NCKAP5: variants seen among roughly 807,000 people sequenced by gnomAD.
NCKAP5 encodes NCK associated protein 5.
Under a neutral mutation model 167.0 loss-of-function variants are expected in NCKAP5, and 92 were observed. The observed-to-expected ratio is 0.55, with a 90% CI of 0.47 to 0.66. The LOEUF is 0.66. Among genes scored for constraint, NCKAP5 ranks in the 30% least tolerant of loss-of-function variants. NCKAP5 has a pLI of 0.00. For synonymous variants in NCKAP5, 891 were observed against 877.4 expected (o/e 1.02, Z -0.27); for missense variants, 2,378 against 2,315.0 (o/e 1.03, Z -0.56).
chr2:133,172,663 T>G (rs1318973876), intron 5 of NCKAP5, among the ~76,000 whole-genome samples: 1 of 151,986 alleles, frequency 6.6e-6, no homozygotes, highest in Non-Finnish European at 1.5e-5. Flanking sequence ...TGTTGTTGTT[T>G]TTGAGATGGA....
chr2:132,942,642 C>T (rs921266189), intron 8 of NCKAP5, among the ~76,000 whole-genome samples: 2 of 152,084 alleles, frequency 1.3e-5, no homozygotes, highest in South Asian at 2.1e-4. Context: ...TGGGAAACAA[C>T]AGAGTTAAAG....
chr2:132,921,028 T>A (rs911308850), intron 8 of NCKAP5, among the ~76,000 whole-genome samples: 1 of 151,392 alleles, frequency 6.6e-6, no homozygotes, highest in Non-Finnish European at 1.5e-5. Flanking sequence ...AATCCAAGAA[T>A]CAAAGTCCAT....
At chr2:133,209,526 T>C (rs1254621543) in intron 5 of NCKAP5, among the ~76,000 whole-genome samples, 2 of 151,678 alleles carry the variant, frequency 1.3e-5, no homozygotes, top group African/African-American at 4.8e-5. Flanking sequence ...CTGGTGGGGA[T>C]GGACTTTGGA....
chr2:133,494,428 C>G (rs1681749218), intron 3 of NCKAP5, among the ~76,000 whole-genome samples: 1 of 152,152 alleles, frequency 6.6e-6, no homozygotes, highest in African/African-American at 2.4e-5. Flanking sequence ...CCTAAACAAA[C>G]AGAAGTACTT....
chr2:132,829,089 C>T (rs762374239), intron 11 of NCKAP5, among the ~76,000 whole-genome samples: 16 of 152,090 alleles, frequency 1.1e-4, no homozygotes, highest in Admixed American at 3.3e-4. Flanking sequence ...ATAAAAACAA[C>T]GACAATGTCA....
intron 3 of NCKAP5, among the ~76,000 whole-genome samples, chr2:133,338,210 T>C (rs1683342046): frequency 6.6e-6 from 1 of 152,238 alleles, no homozygotes; most frequent in African/African-American, 2.4e-5. Flanking sequence ...TGGTTTTTAA[T>C]GCTGTGAAGC....
At chr2:133,437,761 A>G (rs1348606041) in intron 3 of NCKAP5, among the ~76,000 whole-genome samples, 1 of 152,156 alleles carries the variant, frequency 6.6e-6, no homozygotes, top group Non-Finnish European at 1.5e-5. Flanking sequence ...ACTTCAGTTA[A>G]GTTATTTAAA....
At chr2:132,696,550 A>T (rs1687328581) in intron 19 of NCKAP5, among the ~76,000 whole-genome samples, 1 of 152,166 alleles carries the variant, frequency 6.6e-6, no homozygotes, top group Non-Finnish European at 1.5e-5. Context: ...TATAATGGTG[A>T]GAGGTTCAGC....
At chr2:133,402,043 G>A (rs115907920) in intron 3 of NCKAP5, among the ~76,000 whole-genome samples, 4,437 of 152,184 alleles carry the variant, frequency 0.029, 98 homozygotes, top group Middle Eastern at 0.051. Context: ...CCCTGTCAGC[G>A]TCATCAAGGA....
At chr2:132,803,938 A>G (rs1685231465) in intron 11 of NCKAP5, among the ~76,000 whole-genome samples, 1 of 152,178 alleles carries the variant, frequency 6.6e-6, no homozygotes, top group Non-Finnish European at 1.5e-5. Flanking sequence ...TAAGGGTGCC[A>G]TGTAGCTAGA....
chr2:132,700,927 G>GGGC lies in NCKAP5; in HGVS notation c.5713+24697_5713+24699dup, dbSNP rs1396247103. Among the ~76,000 whole-genome samples, 3 of 84,196 alleles carry GGGC rather than the reference G, an allele frequency of 3.6e-5. 1 individual carries two copies. The highest frequency in any genetic ancestry group is 1.9e-4 in the African/African-American group (3 of 15,702). The allele number at this position is 84,196 out of a possible 152,430, so 55.2% of individuals were successfully genotyped here. A position where few individuals can be genotyped will look rare whatever the true frequency, so the allele number is the denominator to read the frequency against. On this transcript the variant is annotated intron_variant, in intron 19 of 19. Transcript: ENST00000409261. ...TCCTGCATGCTGGTTACAATCCCCTGGGCGGGGGGGGGGGCTTTTAAGCAA... is the reference window on the plus strand; with the variant it reads ...TCCTGCATGCTGGTTACAATCCCCTGGGCGGCGGGGGGGGGGGCTTTTAAGCAA...
chr2:132,888,366 A>T (rs1692420272), intron 8 of NCKAP5, among the ~76,000 whole-genome samples: 1 of 152,062 alleles, frequency 6.6e-6, no homozygotes. Context: ...TATAAATTTG[A>T]TTTATTATTA....
chr2:133,348,651 CA>C (rs1394404457), intron 3 of NCKAP5, among the ~76,000 whole-genome samples: 5 of 150,948 alleles, frequency 3.3e-5, no homozygotes, highest in African/African-American at 9.7e-5. Flanking sequence ...TACCTTGAAG[CA>C]AAAAAAATAA....
In NCKAP5 at chr2:133,302,795, T is replaced by A. The variant is rs1268204096; in HGVS notation, c.143+242A>T. On this transcript the variant is annotated intron_variant, in intron 4 of 19. Coordinates refer to ENST00000409261, the MANE Select transcript of NCKAP5 (RefSeq NM_207363.3). Reference sequence around the variant, plus strand: ...TTAGAGTATAATAAAAAAATAAAAATAAAAAAAATAAATAAATAAATAAAT... The same window carrying A: ...TTAGAGTATAATAAAAAAATAAAAAAAAAAAAAATAAATAAATAAATAAAT... Among the ~76,000 whole-genome samples the A allele has an allele frequency of 9.3e-5, 14 of 150,472 alleles. No homozygotes were observed. The South Asian group carries it at 1.1e-3, about 11-fold the overall frequency.
At chr2:132,770,084 AG>A (rs1352294083) in intron 16 of NCKAP5, among the ~76,000 whole-genome samples, 1 of 152,194 alleles carries the variant, frequency 6.6e-6, no homozygotes, top group Non-Finnish European at 1.5e-5. Context: ...AGTTTACTGA[AG>A]TAGGCTTGAT....
intron 16 of NCKAP5, among the ~76,000 whole-genome samples, chr2:132,767,870 T>C (rs1340240330): frequency 1.3e-5 from 2 of 152,236 alleles, no homozygotes; most frequent in African/African-American, 2.4e-5. Flanking sequence ...CAGGATGCTT[T>C]GGAGGCAGTA....
intron 2 of NCKAP5, among the ~76,000 whole-genome samples, chr2:133,554,716 T>C (rs1003090612): frequency 6.6e-6 from 1 of 152,146 alleles, no homozygotes; most frequent in Non-Finnish European, 1.5e-5. Context: ...AATGGGAAAT[T>C]GGCAATGACA....
At chr2:132,700,932 G>GGC (rs1553475130) in intron 19 of NCKAP5, among the ~76,000 whole-genome samples, 20 of 122,460 alleles carry the variant, frequency 1.6e-4, no homozygotes, top group Admixed American at 6.0e-4. Context: ...CCCCTGGGCG[G>GGC]GGGGGGGGGC....
chr2:133,438,991 G>T (rs1378628725), intron 3 of NCKAP5, among the ~76,000 whole-genome samples: 1 of 152,162 alleles, frequency 6.6e-6, no homozygotes, highest in South Asian at 2.1e-4. Flanking sequence ...TGACCAGCAG[G>T]CATGATAACT....
Sources: allele counts gnomAD v4.1 joint callset (sites outside exome capture counted in the v4.1 genomes callset), GRCh38; gene constraint gnomAD v4.1.1; transcripts MANE v1.5; gene names NCBI Gene and HGNC (gene_info 2026-07-23, HGNC 2026-07-21).